The following A3GALT2 variants were observed in gnomAD, a reference collection of about 807,000 sequenced individuals.
A3GALT2 encodes the protein alpha 1,3-galactosyltransferase 2.
Under a neutral mutation model 16.6 loss-of-function variants are expected in A3GALT2, and 14 were observed. That is an observed-to-expected ratio of 0.84 (90% CI 0.56 to 1.32). The LOEUF is 1.32. Among genes scored for constraint, A3GALT2 ranks in the 40% most tolerant of loss-of-function variants. The probability of loss-of-function intolerance (pLI) is 0.00; values close to 1 mark genes in which losing one functional copy is unlikely to be tolerated. For missense variants in A3GALT2, 600 were observed against 490.9 expected (o/e 1.22, Z -2.10); for synonymous variants, 253 against 218.0 (o/e 1.16, Z -1.42).
chr1:33,318,492 G>A (rs1045221173), intron 1 of A3GALT2, among the ~76,000 whole-genome samples: 7 of 151,844 alleles, frequency 4.6e-5, no homozygotes, highest in Non-Finnish European at 7.4e-5. Context: ...TGTTGCTTTT[G>A]CCTCCTTCCT....
intron 1 of A3GALT2, among the ~76,000 whole-genome samples, chr1:33,315,256 T>C (rs1322977960): frequency 6.6e-6 from 1 of 151,808 alleles, no homozygotes; most frequent in Middle Eastern, 3.2e-3. Context: ...GTGGCACGCG[T>C]CGGTAGTCCC....
chr1:33,320,996 G>C lies in A3GALT2; in HGVS notation c.23+80C>G, dbSNP rs897447154. The C allele has an allele frequency of 3.2e-6, 5 of 1,578,806 alleles. No individual in the cohort carries two copies. In the Admixed American group the frequency reaches 6.8e-5, roughly 21 times the overall value. On this transcript the variant is annotated intron_variant, in intron 1 of 4. Transcript: ENST00000442999. The surrounding 1 kb of genome is among the most constrained non-coding windows in gnomAD (Gnocchi z 4.3). The stretch of plus-strand genomic sequence containing the variant: ...CACTCTGGTGCCTCCCCTTGGTACT[G>C]TTTTAGCCATCAGACTGGATCCCTC...
At chr1:33,310,731 GC>G (rs1459797609) in intron 4 of A3GALT2, among the ~76,000 whole-genome samples, 1 of 152,200 alleles carries the variant, frequency 6.6e-6, no homozygotes, top group African/African-American at 2.4e-5. Flanking sequence ...GGAAATCTCA[GC>G]ATTTCGTGGT....
intron 4 of A3GALT2, among the ~76,000 whole-genome samples, chr1:33,308,758 T>TTTTTG (rs1646216975): frequency 2.8e-5 from 3 of 107,466 alleles, no homozygotes; most frequent in African/African-American, 1.8e-4. Flanking sequence ...TTGTTTTTTT[T>TTTTTG]TTTTTTTTTT....
chr1:33,316,877 TGGG>T (rs1025268100), intron 1 of A3GALT2, among the ~76,000 whole-genome samples: 9 of 150,162 alleles, frequency 6.0e-5, no homozygotes, highest in African/African-American at 2.2e-4. Context: ...CTAGACCAGG[TGGG>T]AATGGGAGGG....
chr1:33,313,170 A>T (rs1646243636), intron 1 of A3GALT2, among the ~76,000 whole-genome samples: 1 of 452 alleles, frequency 2.2e-3, no homozygotes, highest in Non-Finnish European at 9.1e-3. Context: ...TGGCTCAGTG[A>T]CGGAGTTTTT....
chr1:33,312,527 GTC>G lies in A3GALT2; in HGVS notation c.169_170del (p.Asp57GlnfsTer13). On this transcript the variant is annotated frameshift_variant, in exon 3 of 5. Transcript: ENST00000442999. LOFTEE classifies it high-confidence loss of function. Reference protein sequence around the residue: ...CPSATMSQLRDNFTGALRPWA... With the variant: ...CPSATMSQLRXNFTGALRPWA... The stretch of plus-strand genomic sequence containing the variant: ...AGGGACGCAGGGCACCTGTGAAGTT[GTC>G]TCTCAGCTGGGACATTGTGGCCGAA... 1 of 1,602,686 alleles carries G rather than the reference GTC, an allele frequency of 6.2e-7. No individual in the cohort carries two copies. The highest frequency in any genetic ancestry group is 8.5e-7 in the Non-Finnish European group (1 of 1,174,010).
rs1646281942 is a variant in A3GALT2, at chr1:33,320,758, C to T, written c.23+318G>A. 6.6e-6 allele frequency among the ~76,000 whole-genome samples: 1 copy of T among 151,944 alleles called. No homozygotes were observed. The highest frequency in any genetic ancestry group is 2.4e-5 in the African/African-American group (1 of 41,410). On this transcript the variant is annotated intron_variant, in intron 1 of 4. Coordinates refer to ENST00000442999, the MANE Select transcript of A3GALT2 (RefSeq NM_001080438.1). The surrounding 1 kb of genome is among the most constrained non-coding windows in gnomAD (Gnocchi z 4.3). ...CAGTTACAGTCGGGGAGGGAATGTACCCCCGGGTCTCTGCTTTCCGGCTCG... is the reference window on the plus strand; with the variant it reads ...CAGTTACAGTCGGGGAGGGAATGTATCCCCGGGTCTCTGCTTTCCGGCTCG...
chr1:33,315,765 T>G (rs1377185179), intron 1 of A3GALT2, among the ~76,000 whole-genome samples: 1 of 152,226 alleles, frequency 6.6e-6, no homozygotes, highest in Non-Finnish European at 1.5e-5. Flanking sequence ...TGAGAAAAGT[T>G]TATGCATCAA....
chr1:33,313,648 TG>T (rs1646247981), intron 1 of A3GALT2: 1 of 152,140 alleles, frequency 6.6e-6, no homozygotes, highest in South Asian at 2.1e-4. Context: ...AAGCTCCTTC[TG>T]GGGAGCTTGT....
At chr1:33,311,525 C>G (rs1235190096) in intron 4 of A3GALT2, among the ~76,000 whole-genome samples, 1 of 152,204 alleles carries the variant, frequency 6.6e-6, no homozygotes, top group Non-Finnish European at 1.5e-5. Context: ...TTCCTCTCTT[C>G]ACTTCCCTCT....
At chr1:33,310,952 C>T (rs558024517) in intron 4 of A3GALT2, among the ~76,000 whole-genome samples, 1 of 152,312 alleles carries the variant, frequency 6.6e-6, no homozygotes, top group Admixed American at 6.5e-5. Flanking sequence ...TTTTCATCCC[C>T]TTGCCTGTCA....
chr1:33,306,801 ACAG>A lies in A3GALT2; in HGVS notation c.985_987del (p.Leu329del). On this transcript the variant is annotated inframe_deletion, in exon 5 of 5. Transcript: ENST00000442999. ...AGCAGCCGGTACCCCTTGGGCGCCC[ACAG>A]CAGTCGCGGGCGGCGGATCTCGGCC... The A allele has an allele frequency of 2.1e-6, 3 of 1,456,904 alleles. No individual in the cohort carries two copies. The highest frequency in any genetic ancestry group is 2.7e-6 in the Non-Finnish European group (3 of 1,112,308). 90.2% of individuals were successfully genotyped at this position (1,456,904 alleles called of 1,614,324 possible). A position where few individuals can be genotyped will look rare whatever the true frequency, so the allele number is the denominator to read the frequency against.
At chr1:33,319,487 G>T (rs1339916240) in intron 1 of A3GALT2, among the ~76,000 whole-genome samples, 10 of 152,152 alleles carry the variant, frequency 6.6e-5, no homozygotes, top group Admixed American at 2.0e-4. Flanking sequence ...AGTAGGTTTG[G>T]TTCCCTCCCT....
In A3GALT2 at chr1:33,307,284, A is replaced by G. The variant is rs1646199410; in HGVS notation, c.505T>C (p.Trp169Arg). The change falls in exon 5 of 5, where the codon TGG (tryptophan) becomes CGG (arginine). Residue 169 changes from tryptophan (W) to arginine (R), a missense_variant. By Grantham distance (101) the Trp-to-Arg change is moderately radical (BLOSUM62 -3). Transcript: ENST00000442999. ...ATGCGCGCCATCGACACGTCTTGCC[A>G]GCGCCGCTCGCGCGCCACGCGCTCC... Reference protein sequence around the residue: ...PVERVARERRWQDVSMARMRT... With the variant: ...PVERVARERRRQDVSMARMRT... The G allele has an allele frequency of 1.4e-6, 2 of 1,440,624 alleles. No homozygotes were observed. The highest frequency in any genetic ancestry group is 9.0e-7 in the Non-Finnish European group (1 of 1,104,988). The allele number at this position is 1,440,624 out of a possible 1,614,324, so 89.2% of individuals were successfully genotyped here. A position where few individuals can be genotyped will look rare whatever the true frequency, so the allele number is the denominator to read the frequency against.
intron 4 of A3GALT2, 129 bp downstream of exon 4, chr1:33,311,923 T>C (rs6679416): frequency 0.69 from 926,745 of 1,340,790 alleles, 322,958 homozygotes; most frequent in African/African-American, 0.87. Context: ...GCAAGAAGTG[T>C]TGTCTTTGCT....
rs771489841 is a variant in A3GALT2, at chr1:33,312,580, C to T, written c.118G>A (p.Ala40Thr). Residue 40 changes from alanine to threonine, a missense_variant, in exon 3 of 5, where the codon GCC (alanine) becomes ACC (threonine). Ala to Thr is a moderately conservative substitution (Grantham distance 58, BLOSUM62 0). Transcript: ENST00000442999. ...GGGCAGACGCCCATGGGGATGAGGG[C>T]TTCCAGATGCCTGTGGTGGGTTGAG... The part of the protein sequence containing the change: ...YGLPKFRHLE[A>T]LIPMGVCPSA... 3 of 1,589,742 alleles carry T rather than the reference C, an allele frequency of 1.9e-6. No individual in the cohort carries two copies.
chr1:33,312,022 G>A lies in A3GALT2; in HGVS notation c.335+30C>T, dbSNP rs1420560406. The A allele has an allele frequency of 3.1e-6, 5 of 1,612,652 alleles. No homozygotes were observed. In the South Asian group the frequency reaches 3.3e-5, roughly 11 times the overall value. ...GCACACCCCTCCCACTCACAGCTTT[G>A]ACAGCACTGCTCCCCTTCCCAGGCC... On this transcript the variant is annotated intron_variant, in intron 4 of 4. Coordinates refer to ENST00000442999, the MANE Select transcript of A3GALT2 (RefSeq NM_001080438.1).
At chr1:33,309,355 G>A (rs576414652) in intron 4 of A3GALT2, among the ~76,000 whole-genome samples, 286 of 148,170 alleles carry the variant, frequency 1.9e-3, no homozygotes, top group African/African-American at 6.4e-3. Context: ...GGGCAGAGGC[G>A]CCCCCCCACC....
Sources: gnomAD v4.1 joint callset for allele counts (sites outside exome capture counted in the v4.1 genomes callset) on GRCh38, gnomAD v4.1.1 for gene constraint, Gnocchi (gnomAD v3.1) non-coding constraint, MANE v1.5 for transcripts, NCBI Gene and HGNC (gene_info 2026-07-23, HGNC 2026-07-21) for gene names.